The following PARG variants were observed in gnomAD, a reference collection of about 807,000 sequenced individuals.
PARG encodes poly(ADP-ribose) glycohydrolase.
Under a neutral mutation model 113.0 loss-of-function variants are expected in PARG, and 35 were observed. That is an observed-to-expected ratio of 0.31 (90% CI 0.24 to 0.41). The LOEUF (loss-of-function observed/expected upper bound fraction) is 0.41. Among genes scored for constraint, PARG ranks in the 10% least tolerant of loss-of-function variants. The pLI is 1.00. For synonymous variants in PARG, 330 were observed against 409.9 expected (o/e 0.81, Z 2.36); for missense variants, 797 against 1,169.4 (o/e 0.68, Z 4.64).
At chr10:49,922,513 T>C in intron 5 of PARG, 34 bp downstream of exon 5, 1 of 1,610,468 alleles carries the variant, frequency 6.2e-7, no homozygotes, top group Non-Finnish European at 8.5e-7. Flanking sequence ...AAACCATTTT[T>C]CAGAGACTAA....
In PARG at chr10:49,934,016, C is replaced by A; in HGVS notation, c.432G>T (p.Gln144His). The A allele has an allele frequency of 6.2e-7, 1 of 1,610,586 alleles. No individual in the cohort carries two copies. Among genetic ancestry groups the A allele is most frequent in the Non-Finnish European group, 8.5e-7 (1 of 1,176,784 alleles). The change falls in exon 3 of 18, where the codon CAG (glutamine) becomes CAT (histidine). Residue 144 changes from glutamine to histidine, a missense_variant. Coordinates refer to ENST00000616448, the MANE Select transcript of PARG (RefSeq NM_003631.5). Reference protein sequence around the residue: ...LDKSPTEKSTQYLNQHQTAAM... With the variant: ...LDKSPTEKSTHYLNQHQTAAM... ...CTGCAGTCTGATGCTGGTTCAAATA[C>A]TGTGTACTTTTTTCAGTGGGTGACT...
chr10:49,846,251 C>T (rs1443140363), intron 13 of PARG, among the ~76,000 whole-genome samples: 1 of 150,768 alleles, frequency 6.6e-6, no homozygotes, highest in East Asian at 1.9e-4. Flanking sequence ...CATATATTTA[C>T]ATGACATTCT....
intron 16 of PARG, among the ~76,000 whole-genome samples, chr10:49,829,359 A>C (rs933848420): frequency 1.3e-5 from 2 of 152,178 alleles, no homozygotes; most frequent in African/African-American, 2.4e-5. Flanking sequence ...CAGCCTCCCA[A>C]GTAGCTGGGA....
At chr10:49,920,451 T>TAAAAAAAAAAA (rs781928566) in intron 6 of PARG, among the ~76,000 whole-genome samples, 17 of 39,848 alleles carry the variant, frequency 4.3e-4, no homozygotes, top group Non-Finnish European at 6.6e-4. Context: ...AGCCTCAAAT[T>TAAAAAAAAAAA]AAAAAAAAAA....
rs183390430 is a variant in PARG, at chr10:49,889,741, C to T, written c.1738-4446G>A. Among the ~76,000 whole-genome samples the T allele has an allele frequency of 6.6e-5, 10 of 152,290 alleles. 1 individual carries two copies. The highest frequency in any genetic ancestry group is 6.5e-4 in the Admixed American group (10 of 15,294). On this transcript the variant is annotated intron_variant, in intron 7 of 17. Transcript: ENST00000616448. ...GGGTATCCATCTTTGTCTTTTAAAA[C>T]TGACATGAGTGGCTACTGCAGCGCT...
intron 6 of PARG, among the ~76,000 whole-genome samples, chr10:49,920,553 CATATATACGTATATATACGT>C (rs1837792768): frequency 8.6e-6 from 1 of 116,054 alleles, no homozygotes; most frequent in Admixed American, 9.2e-5. Context: ...CATATATATA[CATATATACGTATATATACGT>C]GTATATATAT....
intron 15 of PARG, among the ~76,000 whole-genome samples, chr10:49,840,904 G>T (rs897743765): frequency 2.0e-5 from 3 of 152,170 alleles, no homozygotes; most frequent in Admixed American, 2.0e-4. Flanking sequence ...GTGAAAGAAT[G>T]ATTTTCAGAA....
At chr10:49,826,735 C>A (rs1379327605) in intron 16 of PARG, among the ~76,000 whole-genome samples, 1 of 152,156 alleles carries the variant, frequency 6.6e-6, no homozygotes, top group African/African-American at 2.4e-5. Flanking sequence ...ACAATTTGGT[C>A]CAAGGGATGA....
chr10:49,877,118 G>C (rs1554838548), intron 9 of PARG, among the ~76,000 whole-genome samples: 1 of 150,358 alleles, frequency 6.7e-6, no homozygotes, highest in African/African-American at 2.4e-5. Flanking sequence ...TATAACCCAA[G>C]AATTATGACA....
At chr10:49,926,713 T>G (rs1838184553) in intron 4 of PARG, among the ~76,000 whole-genome samples, 1 of 152,244 alleles carries the variant, frequency 6.6e-6, no homozygotes, top group African/African-American at 2.4e-5. Flanking sequence ...CTCCGAATCC[T>G]GCAACCCCAC....
intron 17 of PARG, among the ~76,000 whole-genome samples, chr10:49,819,905 G>C (rs1258231): frequency 0.92 from 140,704 of 152,174 alleles, 65,836 homozygotes; most frequent in East Asian, 1. Flanking sequence ...TTTATAGACA[G>C]AAAAGTAAAA....
intron 8 of PARG, among the ~76,000 whole-genome samples, chr10:49,882,758 C>T (rs1433827638): frequency 7.5e-4 from 106 of 141,452 alleles, no homozygotes; most frequent in Non-Finnish European, 1.3e-3. Context: ...TAATTAAGCA[C>T]CATGCAAACC....
At position 49,915,665 on chromosome 10, in the gene PARG, G is replaced by T. The variant is rs559825455; in HGVS notation, c.1737+252C>A. 3.4e-4 allele frequency among the ~76,000 whole-genome samples: 52 copies of T among 152,088 alleles called. 1 individual carries two copies. The highest frequency in any genetic ancestry group is 9.9e-4 in the African/African-American group (41 of 41,514). On this transcript the variant is annotated intron_variant, in intron 7 of 17. Coordinates refer to ENST00000616448, the MANE Select transcript of PARG (RefSeq NM_003631.5). ...ATTATATTCTCAAAATCTAATCATGGACTATTATACATTCCTTGATAATGC... is the reference window on the plus strand; with the variant it reads ...ATTATATTCTCAAAATCTAATCATGTACTATTATACATTCCTTGATAATGC...
intron 4 of PARG, among the ~76,000 whole-genome samples, chr10:49,925,489 C>T (rs1266031605): frequency 3.9e-5 from 6 of 152,160 alleles, no homozygotes; most frequent in East Asian, 1.9e-4. Flanking sequence ...TATTGATTGA[C>T]GTCTTATACC....
chr10:49,836,118 A>C (rs543003881), intron 15 of PARG, among the ~76,000 whole-genome samples: 1 of 152,176 alleles, frequency 6.6e-6, no homozygotes, highest in African/African-American at 2.4e-5. Flanking sequence ...GTGATGCATG[A>C]TTTTACTTAA....
chr10:49,883,236 T>C (rs1193845521), intron 8 of PARG, among the ~76,000 whole-genome samples: 6 of 152,190 alleles, frequency 3.9e-5, no homozygotes, highest in East Asian at 1.9e-4. Context: ...TTTGTGGTTT[T>C]TGGGGTGTCC....
intron 4 of PARG, among the ~76,000 whole-genome samples, chr10:49,924,332 C>T (rs1838045865): frequency 6.6e-6 from 1 of 152,086 alleles, no homozygotes; most frequent in South Asian, 2.1e-4. Context: ...TGTATGAGTA[C>T]TTCACTGCAG....
intron 1 of PARG, among the ~76,000 whole-genome samples, chr10:49,938,665 G>A (rs1353829060): frequency 2.1e-4 from 32 of 151,752 alleles, no homozygotes; most frequent in African/African-American, 6.3e-4. Flanking sequence ...GGGAACTCCC[G>A]GGCTCAAGTG....
chr10:49,887,041 AATTT>A (rs1554840559), intron 7 of PARG, among the ~76,000 whole-genome samples: 1 of 151,706 alleles, frequency 6.6e-6, no homozygotes, highest in Non-Finnish European at 1.5e-5. Flanking sequence ...TCCTGTTTAT[AATTT>A]ATCTTTTTTT....
Sources: gnomAD v4.1 joint callset for allele counts (sites outside exome capture counted in the v4.1 genomes callset) on GRCh38, gnomAD v4.1.1 for gene constraint, MANE v1.5 for transcripts, NCBI Gene and HGNC (gene_info 2026-07-23, HGNC 2026-07-21) for gene names.